FBXL17: variants seen among roughly 807,000 people sequenced by gnomAD.
FBXL17 encodes F-box/LRR-repeat protein 17.
In FBXL17, 22 loss-of-function variants were observed where a neutral mutation model predicts 66.2. The observed-to-expected ratio is 0.33, with a 90% CI of 0.24 to 0.47. The LOEUF is 0.47. FBXL17 is among the 20% of genes least tolerant of loss of function. The pLI is 1.00. For synonymous variants in FBXL17, 474 were observed against 400.5 expected (o/e 1.18, Z -2.19); for missense variants, 878 against 948.2 (o/e 0.93, Z 0.97).
At chr5:108,071,151 GC>G (rs1299900741) in intron 6 of FBXL17, among the ~76,000 whole-genome samples, 1 of 152,278 alleles carries the variant, frequency 6.6e-6, no homozygotes, top group East Asian at 1.9e-4. Context: ...AGGTTGCATT[GC>G]AGCGATGAAC....
chr5:107,955,294 T>C (rs1289147314), intron 7 of FBXL17, among the ~76,000 whole-genome samples: 1 of 151,864 alleles, frequency 6.6e-6, no homozygotes, highest in African/African-American at 2.4e-5. Context: ...CTCTTAGTCT[T>C]AACAAAAAAA....
intron 4 of FBXL17, among the ~76,000 whole-genome samples, chr5:108,225,982 A>G (rs1169724682): frequency 2.0e-5 from 3 of 152,070 alleles, no homozygotes; most frequent in Admixed American, 6.6e-5. Context: ...CTCAGTCCTC[A>G]GCTCATTTCT....
intron 7 of FBXL17, among the ~76,000 whole-genome samples, chr5:107,885,369 T>A (rs769175721): frequency 1.3e-5 from 2 of 152,200 alleles, no homozygotes; most frequent in Non-Finnish European, 2.9e-5. Flanking sequence ...TAAGCACACA[T>A]GCACTTAATT....
chr5:107,946,827 G>T (rs544933630), intron 7 of FBXL17, among the ~76,000 whole-genome samples: 3 of 152,150 alleles, frequency 2.0e-5, no homozygotes, highest in Non-Finnish European at 4.4e-5. Flanking sequence ...TGCATATGGA[G>T]AAAAATACCC....
At chr5:108,025,008 T>C (rs1754745030) in intron 6 of FBXL17, among the ~76,000 whole-genome samples, 1 of 152,156 alleles carries the variant, frequency 6.6e-6, no homozygotes, top group Admixed American at 6.6e-5. Context: ...GAGCCTTGAA[T>C]TATGGAAAAC....
At chr5:107,919,043 A>C (rs954262857) in intron 7 of FBXL17, among the ~76,000 whole-genome samples, 1 of 152,220 alleles carries the variant, frequency 6.6e-6, no homozygotes, top group Non-Finnish European at 1.5e-5. Context: ...TTGTTACACC[A>C]TAGTAAAACT....
intron 6 of FBXL17, among the ~76,000 whole-genome samples, chr5:108,047,299 G>A (rs1347197183): frequency 4.6e-5 from 7 of 152,226 alleles, no homozygotes; most frequent in South Asian, 4.1e-4. Context: ...GCATGGAACT[G>A]TGCAACCCAC....
rs370093387 is a variant in FBXL17, at chr5:108,217,109, T to A, written c.1614+7012A>T. ...TTCCCAGGCCAAGCTGAGTCACACA[T>A]TCGCCAAGACAGCCCACAGACTAAG... On this transcript the variant is annotated intron_variant, in intron 5 of 8. Transcript: ENST00000542267. 3.0e-4 allele frequency among the ~76,000 whole-genome samples: 45 copies of A among 152,184 alleles called. No homozygotes were observed. In the East Asian group the frequency reaches 7.7e-3, roughly 26 times the overall value.
intron 7 of FBXL17, among the ~76,000 whole-genome samples, chr5:107,904,330 G>A (rs1340186904): frequency 6.6e-5 from 10 of 152,052 alleles, no homozygotes. Flanking sequence ...TATTGATCCT[G>A]TCTCCTAAAT....
intron 3 of FBXL17, among the ~76,000 whole-genome samples, chr5:108,356,620 G>A (rs1748005708): frequency 6.6e-6 from 1 of 152,020 alleles, no homozygotes; most frequent in Non-Finnish European, 1.5e-5. Context: ...CATTCCAGAA[G>A]AGTTTACAAA....
rs191637904 is a variant in FBXL17 at position 108,147,540 on chromosome 5, G to A, written c.1745+38577C>T. ...GTCTGAAATAAAAAAATAAAATGAC[G>A]GATAGGTTACAAGATATTAAGTAGA... On this transcript the variant is annotated intron_variant, in intron 6 of 8. Transcript: ENST00000542267. 2.8e-4 allele frequency among the ~76,000 whole-genome samples: 43 copies of A among 152,014 alleles called. 1 individual carries two copies. Among genetic ancestry groups the A allele is most frequent in the Admixed American group, 4.6e-4 (7 of 15,264 alleles).
In FBXL17 at chr5:108,082,966, ATTTG is replaced by A. The variant is rs376824177; in HGVS notation, c.1746-61969_1746-61966del. On this transcript the variant is annotated intron_variant, in intron 6 of 8. Transcript: ENST00000542267. ...ATGTACTTTTCAATCAGCTATTTAC[ATTTG>A]TTTAAGAAAGCAATGTTGTGTAGCA... 4.7e-3 allele frequency among the ~76,000 whole-genome samples: 718 copies of A among 152,296 alleles called. 5 individuals are homozygous for A. Among genetic ancestry groups the A allele is most frequent in the African/African-American group, 0.017 (690 of 41,566 alleles).
intron 6 of FBXL17, among the ~76,000 whole-genome samples, chr5:108,168,675 A>G (rs1752497604): frequency 6.6e-6 from 1 of 152,150 alleles, no homozygotes; most frequent in Admixed American, 6.5e-5. Context: ...AGCATTAATA[A>G]AACACAGAGA....
intron 4 of FBXL17, among the ~76,000 whole-genome samples, chr5:108,328,956 C>T (rs1337359738): frequency 6.6e-6 from 1 of 152,036 alleles, no homozygotes; most frequent in African/African-American, 2.4e-5. Context: ...ACCTCAGAGT[C>T]ACTTGCTAAG....
intron 7 of FBXL17, among the ~76,000 whole-genome samples, chr5:108,004,396 AAATT>A (rs1475809152): frequency 6.6e-6 from 1 of 152,246 alleles, no homozygotes; most frequent in African/African-American, 2.4e-5. Context: ...CTTATGCAAG[AAATT>A]AATAAAAATA....
At chr5:108,285,611 T>G (rs948926772) in intron 4 of FBXL17, among the ~76,000 whole-genome samples, 1 of 151,760 alleles carries the variant, frequency 6.6e-6, no homozygotes, top group African/African-American at 2.4e-5. Flanking sequence ...AATCTTTTCT[T>G]TCTGAGCAAT....
chr5:108,057,308 T>A (rs2112836613), intron 6 of FBXL17, among the ~76,000 whole-genome samples: 1 of 152,232 alleles, frequency 6.6e-6, no homozygotes, highest in Non-Finnish European at 1.5e-5. Flanking sequence ...CAATAATATA[T>A]TTGTGTTGTG....
chr5:108,334,780 A>G (rs1226076574), intron 4 of FBXL17, among the ~76,000 whole-genome samples: 1 of 152,214 alleles, frequency 6.6e-6, no homozygotes, highest in Non-Finnish European at 1.5e-5. Context: ...ATTCAACTAT[A>G]AAGCTTTAAG....
chr5:108,016,451 A>T (rs890379807), intron 7 of FBXL17, among the ~76,000 whole-genome samples: 2 of 152,308 alleles, frequency 1.3e-5, no homozygotes, highest in African/African-American at 2.4e-5. Flanking sequence ...AAACAAAAAA[A>T]TATCTCTAGA....
Sources: allele counts gnomAD v4.1 joint callset (sites outside exome capture counted in the v4.1 genomes callset), GRCh38; gene constraint gnomAD v4.1.1; transcripts MANE v1.5; gene names NCBI Gene and HGNC (gene_info 2026-07-23, HGNC 2026-07-21).